Variants in PTPRT observed in about 807,000 individuals in gnomAD.
PTPRT encodes the protein receptor-type tyrosine-protein phosphatase T.
Under a neutral mutation model 176.8 loss-of-function variants are expected in PTPRT, and 56 were observed. The ratio of observed to expected loss-of-function variants is 0.32; its 90% CI spans 0.26 to 0.40. PTPRT has a LOEUF of 0.40. Ranked by LOEUF, PTPRT falls within the 10% of genes least tolerant of loss-of-function variation. PTPRT has a pLI of 1.00. For missense variants in PTPRT, 1,540 were observed against 1,908.2 expected, an observed-to-expected ratio of 0.81 and a Z score of 3.60; for synonymous variants, 783 against 739.0, an observed-to-expected ratio of 1.06 and a Z score of -0.96.
intron 7 of PTPRT, among the ~76,000 whole-genome samples, chr20:42,657,932 T>TTG (rs984651239): frequency 2.0e-5 from 3 of 152,256 alleles, no homozygotes; most frequent in Admixed American, 6.5e-5. Context: ...ACCTTTTTTT[T>TTG]TTTTTTTACC....
chr20:42,595,331 T>C (rs2073652222), intron 7 of PTPRT, among the ~76,000 whole-genome samples: 1 of 152,078 alleles, frequency 6.6e-6, no homozygotes, highest in African/African-American at 2.4e-5. Context: ...CTTGTGGAAC[T>C]GCTCAGTGCA....
intron 6 of PTPRT, among the ~76,000 whole-genome samples, chr20:42,679,740 G>C (rs187033438): frequency 6.0e-4 from 91 of 151,644 alleles, no homozygotes; most frequent in African/African-American, 2.1e-3. Flanking sequence ...TACTGCTTGA[G>C]CTTTATCATC....
chr20:42,385,136 G>A (rs1209325927), intron 9 of PTPRT, among the ~76,000 whole-genome samples: 1 of 152,056 alleles, frequency 6.6e-6, no homozygotes, highest in Admixed American at 6.6e-5. Context: ...TGCTTTTAAT[G>A]TTATATCCAA....
At chr20:42,987,262 G>A (rs1224423855) in intron 1 of PTPRT, among the ~76,000 whole-genome samples, 1 of 152,164 alleles carries the variant, frequency 6.6e-6, no homozygotes, top group African/African-American at 2.4e-5. Context: ...CCTAGAGGGT[G>A]CCTACTGGCC....
intron 9 of PTPRT, among the ~76,000 whole-genome samples, chr20:42,367,511 G>A (rs2058531051): frequency 6.6e-6 from 1 of 152,190 alleles, no homozygotes; most frequent in Non-Finnish European, 1.5e-5. Flanking sequence ...TACTAGGAAG[G>A]TGAGAGGAGG....
At chr20:42,472,905 C>A (rs1413366418) in intron 7 of PTPRT, among the ~76,000 whole-genome samples, 1 of 152,192 alleles carries the variant, frequency 6.6e-6, no homozygotes, top group East Asian at 1.9e-4. Context: ...ACACAGCACA[C>A]TCCTCGCTTC....
intron 1 of PTPRT, among the ~76,000 whole-genome samples, chr20:43,021,688 C>G (rs1432158684): frequency 6.6e-6 from 1 of 151,914 alleles, no homozygotes; most frequent in Non-Finnish European, 1.5e-5. Flanking sequence ...ATTCAGATCA[C>G]TGAAGCATTG....
intron 1 of PTPRT, among the ~76,000 whole-genome samples, chr20:43,081,429 C>T (rs1027834295): frequency 6.6e-6 from 1 of 152,140 alleles, no homozygotes; most frequent in Non-Finnish European, 1.5e-5. Context: ...TGTTTATATA[C>T]AGTTGCTGAA....
At chr20:42,136,388 T>C (rs1231484248) in intron 18 of PTPRT, among the ~76,000 whole-genome samples, 1 of 152,162 alleles carries the variant, frequency 6.6e-6, no homozygotes, top group Non-Finnish European at 1.5e-5. Context: ...CTGCTGAGAC[T>C]GCCTGGGTAC....
intron 12 of PTPRT, 150 bp downstream of exon 12, chr20:42,315,573 C>T (rs1215881584): frequency 1.0e-5 from 9 of 871,224 alleles, no homozygotes; most frequent in South Asian, 1.8e-5. Context: ...CATAGCTGTA[C>T]TATTATTTTT....
At chr20:42,434,295 T>C (rs2059242142) in intron 9 of PTPRT, among the ~76,000 whole-genome samples, 1 of 151,704 alleles carries the variant, frequency 6.6e-6, no homozygotes, top group African/African-American at 2.4e-5. Flanking sequence ...CTTACGCCTG[T>C]TGCCTTAACC....
At chr20:43,187,987 G>C (rs893530251) in intron 1 of PTPRT, among the ~76,000 whole-genome samples, 1 of 152,322 alleles carries the variant, frequency 6.6e-6, no homozygotes, top group Middle Eastern at 3.4e-3. Context: ...GAGCCGGTAC[G>C]GGTTTTACCG....
intron 7 of PTPRT, among the ~76,000 whole-genome samples, chr20:42,577,219 T>C (rs1298723971): frequency 6.6e-6 from 1 of 152,116 alleles, no homozygotes; most frequent in Non-Finnish European, 1.5e-5. Flanking sequence ...CTTTACAAAA[T>C]TGGATCACAG....
At chr20:42,323,620 G>A (rs1003553964) in intron 11 of PTPRT, among the ~76,000 whole-genome samples, 3 of 152,178 alleles carry the variant, frequency 2.0e-5, no homozygotes. Context: ...GTGGGGTAGG[G>A]GGAGAGGGGA....
chr20:43,098,605 C>T (rs2012265481), intron 1 of PTPRT, among the ~76,000 whole-genome samples: 2 of 150,204 alleles, frequency 1.3e-5, no homozygotes, highest in Admixed American at 1.3e-4. Flanking sequence ...CACCGAAGAA[C>T]CAGCATGTGT....
intron 2 of PTPRT, among the ~76,000 whole-genome samples, chr20:42,859,705 TC>T (rs1303614607): frequency 6.6e-6 from 1 of 151,026 alleles, no homozygotes; most frequent in Non-Finnish European, 1.5e-5. Context: ...TGCCTCAGCC[TC>T]CCGAGCAGCT....
intron 13 of PTPRT, among the ~76,000 whole-genome samples, chr20:42,266,682 T>G (rs1600751334): frequency 6.6e-6 from 1 of 152,200 alleles, no homozygotes; most frequent in East Asian, 1.9e-4. Context: ...ATCTCCAGAT[T>G]TTGCCAAACG....
intron 1 of PTPRT, among the ~76,000 whole-genome samples, chr20:42,997,498 G>A (rs945178860): frequency 4.6e-5 from 7 of 152,212 alleles, no homozygotes; most frequent in Non-Finnish European, 4.4e-5. Context: ...GATAGTCAGG[G>A]AAGTGAGCCA....
At chr20:42,103,820 T>C in intron 25 of PTPRT, among the ~76,000 whole-genome samples, 1 of 152,198 alleles carries the variant, frequency 6.6e-6, no homozygotes, top group East Asian at 1.9e-4. Context: ...TAGAACTGAA[T>C]AAGACCTCAG....
Sources: gnomAD v4.1 joint callset for allele counts (sites outside exome capture counted in the v4.1 genomes callset) on GRCh38, gnomAD v4.1.1 for gene constraint, MANE v1.5 for transcripts, NCBI Gene and HGNC (gene_info 2026-07-23, HGNC 2026-07-21) for gene names.